The following ASCC3 variants were observed in gnomAD, a reference collection of about 807,000 sequenced individuals.
The protein encoded by ASCC3 is activating signal cointegrator 1 complex subunit 3, also known as ASC-1 complex subunit P200.
ASCC3 carries 158 observed loss-of-function variants against 256.3 expected under a neutral mutation model. The observed-to-expected ratio is 0.62, with a 90% CI of 0.54 to 0.70. The LOEUF (loss-of-function observed/expected upper bound fraction) is 0.70, where lower values mean the gene tolerates loss of function less well. Among genes scored for constraint, ASCC3 ranks in the 30% least tolerant of loss-of-function variants. ASCC3 has a pLI of 0.00. For missense variants in ASCC3, 2,259 were observed against 2,626.0 expected (o/e 0.86, Z 3.05); for synonymous variants, 948 against 883.4 (o/e 1.07, Z -1.30).
intron 12 of ASCC3, among the ~76,000 whole-genome samples, chr6:100,717,818 T>C (rs1779155388): frequency 6.6e-6 from 1 of 152,088 alleles, no homozygotes; most frequent in African/African-American, 2.4e-5. Context: ...ATACGTAACA[T>C]ACATGGAAAA....
chr6:100,715,686 A>C (rs1191412258), intron 12 of ASCC3, among the ~76,000 whole-genome samples, 153 bp from the exon 13 acceptor site: 1 of 151,648 alleles, frequency 6.6e-6, no homozygotes, highest in Admixed American at 6.6e-5. Flanking sequence ...ATAACATATA[A>C]CAATCCATTA....
At chr6:100,819,929 C>T (rs919668164) in intron 4 of ASCC3, among the ~76,000 whole-genome samples, 1 of 151,094 alleles carries the variant, frequency 6.6e-6, no homozygotes, top group African/African-American at 2.4e-5. Flanking sequence ...AAAAATCAAA[C>T]AAAGGAAGTA....
rs1779049445 is a variant in ASCC3 at position 100,715,551 on chromosome 6, A to AT, written c.2080-19dup. ...TGCTGCATCTTGAAGATTTTAAAAC[A>AT]TAAAAAAAATCATGTGAAACAATTA... On this transcript the variant is annotated intron_variant, in intron 12 of 41. Transcript: ENST00000369162. 13 of 1,595,492 alleles carry AT rather than the reference A, an allele frequency of 8.1e-6. No homozygotes were observed. The highest frequency in any genetic ancestry group is 9.4e-6 in the Non-Finnish European group (11 of 1,165,976).
intron 14 of ASCC3, among the ~76,000 whole-genome samples, chr6:100,663,795 T>C (rs902335625): frequency 1.3e-5 from 2 of 152,138 alleles, no homozygotes; most frequent in Admixed American, 1.3e-4. Context: ...TACAGTGTGA[T>C]ACATAGTTAA....
chr6:100,831,780 A>G (rs1443207516), intron 4 of ASCC3, among the ~76,000 whole-genome samples: 1 of 152,204 alleles, frequency 6.6e-6, no homozygotes, highest in Non-Finnish European at 1.5e-5. Context: ...GAAACATAAG[A>G]AAATAATATG....
intron 8 of ASCC3, among the ~76,000 whole-genome samples, chr6:100,792,742 C>A (rs1769411877): frequency 1.3e-5 from 2 of 151,828 alleles, no homozygotes; most frequent in Non-Finnish European, 2.9e-5. Context: ...ATGTCCTAAA[C>A]AAGTTCATCC....
chr6:100,834,601 G>C (rs995247004), intron 4 of ASCC3, among the ~76,000 whole-genome samples: 2 of 152,130 alleles, frequency 1.3e-5, no homozygotes, highest in Non-Finnish European at 1.5e-5. Flanking sequence ...CTAGCAAAAA[G>C]GAGATAAGCA....
At chr6:100,862,913 AC>A (rs1363428818) in intron 3 of ASCC3, among the ~76,000 whole-genome samples, 1 of 152,186 alleles carries the variant, frequency 6.6e-6, no homozygotes, top group Non-Finnish European at 1.5e-5. Context: ...TAAGATTAGA[AC>A]AGAGCATTCC....
chr6:100,873,162 T>C (rs1773833720), intron 1 of ASCC3, among the ~76,000 whole-genome samples: 1 of 151,590 alleles, frequency 6.6e-6, no homozygotes, highest in African/African-American at 2.4e-5. Flanking sequence ...GGGAGAAATC[T>C]TCAGTGACAT....
intron 15 of ASCC3, 39 bp from the exon 16 acceptor site, chr6:100,662,069 A>G: frequency 6.4e-7 from 1 of 1,558,552 alleles, no homozygotes; most frequent in Middle Eastern, 1.7e-4. Flanking sequence ...ACATAAACAC[A>G]CACAAATATA....
intron 10 of ASCC3, among the ~76,000 whole-genome samples, chr6:100,765,068 T>C (rs1037738618): frequency 2.0e-5 from 3 of 151,898 alleles, no homozygotes; most frequent in Non-Finnish European, 2.9e-5. Context: ...AACCAAAGAA[T>C]GCCAAAAATT....
chr6:100,682,586 T>A (rs1374739951), intron 13 of ASCC3, among the ~76,000 whole-genome samples: 1 of 152,130 alleles, frequency 6.6e-6, no homozygotes, highest in Non-Finnish European at 1.5e-5. Context: ...CATTCATCCA[T>A]CCCAAGATAT....
Position 100,661,978 on chromosome 6 carries a change from A to G in ASCC3, c.2531T>C (p.Leu844Ser). The change falls in exon 16 of 42, where the codon TTA (leucine) becomes TCA (serine). Residue 844 changes from leucine to serine, a missense_variant. This residue lies in a region of ASCC3 where 1,839 missense variants were observed against 2,206.7 expected (regional missense o/e 0.83). Transcript: ENST00000369162. ...KRGSFVDLGI[L>S]DVMQIFGRAG... ...TCGACCAAATATCTGCATGACATCT[A>G]AAATTCCAAGGTCAACAAAGGAGCC... is the stretch of plus-strand genomic sequence containing the variant. 6.8e-6 allele frequency: 11 copies of G among 1,613,378 alleles called. No individual in the cohort carries two copies. Among genetic ancestry groups the G allele is most frequent in the Non-Finnish European group, 9.3e-6 (11 of 1,179,492 alleles).
chr6:100,572,953 C>T (rs9390469), intron 36 of ASCC3, among the ~76,000 whole-genome samples: 9,753 of 152,086 alleles, frequency 0.064, 741 homozygotes, highest in East Asian at 0.3. Context: ...AACATTGTTA[C>T]ATAAATAAAA....
intron 4 of ASCC3, among the ~76,000 whole-genome samples, chr6:100,819,216 A>G (rs1345033908): frequency 1.3e-5 from 2 of 152,094 alleles, no homozygotes; most frequent in African/African-American, 4.8e-5. Flanking sequence ...CCTAAGGTAA[A>G]TGAAGAGTTG....
chr6:100,767,470 T>C, intron 8 of ASCC3, 125 bp from the exon 9 acceptor site: 1 of 979,060 alleles, frequency 1.0e-6, no homozygotes, highest in Non-Finnish European at 1.5e-6. Context: ...TTTCACAATG[T>C]GTCTTTTATT....
In ASCC3 at chr6:100,633,307, G is replaced by T. The variant is rs889389651; in HGVS notation, c.4123-2094C>A. 3.9e-5 allele frequency among the ~76,000 whole-genome samples: 6 copies of T among 152,062 alleles called. No individual in the cohort carries two copies. The East Asian group carries it at 1.2e-3, about 29-fold the overall frequency. On this transcript the variant is annotated intron_variant, in intron 25 of 41. Coordinates refer to ENST00000369162, the MANE Select transcript of ASCC3 (RefSeq NM_006828.4). ...CCACTCCCCAAACACTAGTCACTTA[G>T]TAACTGTCTTGTTTACTAGAAAGAC...
At chr6:100,653,422 G>A (rs574339219) in intron 17 of ASCC3, among the ~76,000 whole-genome samples, 301 of 152,030 alleles carry the variant, frequency 2.0e-3, no homozygotes, top group Non-Finnish European at 3.3e-3. Context: ...GGCGGCTCAC[G>A]AGGTCAGAAG....
intron 20 of ASCC3, among the ~76,000 whole-genome samples, chr6:100,649,407 A>T (rs1775549234): frequency 1.3e-5 from 2 of 151,844 alleles, no homozygotes; most frequent in South Asian, 4.1e-4. Context: ...AACAGATAAA[A>T]CAAAGGAGAT....
Sources: gnomAD v4.1 joint callset for allele counts (sites outside exome capture counted in the v4.1 genomes callset) on GRCh38, gnomAD v4.1.1 for gene constraint, gnomAD v4.1.1 regional missense constraint, MANE v1.5 for transcripts, NCBI Gene and HGNC (gene_info 2026-07-23, HGNC 2026-07-21) for gene names.